The following APP variants were observed in gnomAD, a reference collection of about 807,000 sequenced individuals.
APP encodes amyloid beta precursor protein, also known as amyloid-beta precursor protein.
Under a neutral mutation model 101.4 loss-of-function variants are expected in APP, and 31 were observed. The ratio of observed to expected loss-of-function variants is 0.31; its 90% CI spans 0.23 to 0.41. The LOEUF is 0.41. APP is among the 10% of genes least tolerant of loss of function. The pLI, the probability that APP is intolerant of heterozygous loss-of-function variation, is 1.00. For synonymous variants in APP, 366 were observed against 364.4 expected (o/e 1.00, Z -0.05); for missense variants, 839 against 1,003.7 (o/e 0.84, Z 2.22).
intron 3 of APP, among the ~76,000 whole-genome samples, chr21:26,073,070 T>A (rs1465904345): frequency 6.6e-6 from 1 of 152,060 alleles, no homozygotes; most frequent in Non-Finnish European, 1.5e-5. Flanking sequence ...GGCCTGGACA[T>A]AATGACTCAG....
chr21:25,897,891 A>G (rs2038185140), intron 15 of APP: 1 of 571,268 alleles, frequency 1.8e-6, no homozygotes, highest in Non-Finnish European at 3.1e-6. Flanking sequence ...GAAACCTGAA[A>G]GTAAGGCTTC....
At chr21:25,982,294 C>A (rs2042461418) in intron 9 of APP, 50 bp downstream of exon 9, 6 of 1,605,532 alleles carry the variant, frequency 3.7e-6, no homozygotes, top group Non-Finnish European at 5.1e-6. Context: ...CAGAGGCAAG[C>A]TCAGGTTTCC....
intron 11 of APP, among the ~76,000 whole-genome samples, chr21:25,957,490 C>G (rs2041374505): frequency 6.6e-6 from 1 of 152,146 alleles, no homozygotes; most frequent in Non-Finnish European, 1.5e-5. Context: ...TGTTATTAAG[C>G]ACCAAGGTCT....
rs369538606 is a variant in APP, at chr21:26,130,210, T to C, written c.58-18064A>G. On this transcript the variant is annotated intron_variant, in intron 1 of 17. Transcript: ENST00000346798. ...CTGGACACACAATACCATTCTGTGA[T>C]GTTTAAGATACAACAAAACATGTAC... Among the ~76,000 whole-genome samples the C allele has an allele frequency of 9.8e-5, 15 of 152,362 alleles. No homozygotes were observed. The East Asian group carries it at 2.5e-3, about 25-fold the overall frequency.
At chr21:26,126,012 A>C (rs915368395) in intron 1 of APP, among the ~76,000 whole-genome samples, 1 of 152,206 alleles carries the variant, frequency 6.6e-6, no homozygotes, top group African/African-American at 2.4e-5. Context: ...AAAACACAGA[A>C]ATAACAAACT....
At chr21:26,018,171 G>A (rs1249216416) in intron 6 of APP, among the ~76,000 whole-genome samples, 3 of 152,122 alleles carry the variant, frequency 2.0e-5, no homozygotes, top group Non-Finnish European at 4.4e-5. Context: ...GGTTTTAACG[G>A]GTTATGAAAT....
chr21:26,028,339 G>C (rs890890079), intron 5 of APP, among the ~76,000 whole-genome samples: 1 of 152,010 alleles, frequency 6.6e-6, no homozygotes, highest in Non-Finnish European at 1.5e-5. Flanking sequence ...TGCTGTATGA[G>C]TAACAGACAT....
intron 6 of APP, among the ~76,000 whole-genome samples, chr21:26,013,584 ATTT>A (rs955562107): frequency 2.0e-5 from 3 of 151,892 alleles, no homozygotes; most frequent in African/African-American, 7.3e-5. Context: ...CTAAAATTTT[ATTT>A]TTAATAAATC....
At chr21:25,939,734 A>G (rs191940134) in intron 13 of APP, among the ~76,000 whole-genome samples, 203 of 152,314 alleles carry the variant, frequency 1.3e-3, no homozygotes, top group Non-Finnish European at 2.6e-3. Context: ...GATTCTTAGC[A>G]GAAAATCGAG....
chr21:25,952,187 T>TACACACAC lies in APP; in HGVS notation c.1687+2402_1687+2403insGTGTGTGT, dbSNP rs1324301529. ...ATGGGTGGATTGAGAGCATATTACA[T>TACACACAC]ACATACACACACACACACACACACA... On this transcript the variant is annotated intron_variant, in intron 13 of 17. Coordinates refer to ENST00000346798, the MANE Select transcript of APP (RefSeq NM_000484.4). Among the ~76,000 whole-genome samples the TACACACAC allele has an allele frequency of 5.0e-3, 551 of 111,180 alleles. 5 individuals are homozygous for TACACACAC. Among genetic ancestry groups the TACACACAC allele is most frequent in the African/African-American group, 0.015 (519 of 34,414 alleles). The allele number at this position is 111,180 out of a possible 152,430, so 72.9% of individuals were successfully genotyped here.
intron 13 of APP, among the ~76,000 whole-genome samples, chr21:25,936,677 T>C (rs2040377584): frequency 6.6e-6 from 1 of 152,240 alleles, no homozygotes; most frequent in Non-Finnish European, 1.5e-5. Flanking sequence ...TGCTGGTACC[T>C]TGATCTTGGA....
rs148707791 is a variant in APP, at chr21:26,111,297, G to A, written c.225+682C>T. ...GTCAAAAAGTAAAATTAATAAGGGAGGAAAAAACCAAACTATAATAGAATA... is the reference window on the plus strand; with the variant it reads ...GTCAAAAAGTAAAATTAATAAGGGAAGAAAAAACCAAACTATAATAGAATA... On this transcript the variant is annotated intron_variant, in intron 2 of 17. Coordinates refer to ENST00000346798, the MANE Select transcript of APP (RefSeq NM_000484.4). Among the ~76,000 whole-genome samples, 326 of 151,956 alleles carry A rather than the reference G, an allele frequency of 2.1e-3. 1 individual carries two copies. Among genetic ancestry groups the A allele is most frequent in the African/African-American group, 7.5e-3 (311 of 41,418 alleles).
At chr21:25,942,519 C>T (rs2040620297) in intron 13 of APP, 1 of 152,154 alleles carries the variant, frequency 6.6e-6, no homozygotes, top group Admixed American at 6.5e-5. Flanking sequence ...AAGCAATGTC[C>T]CTTTACCTAA....
chr21:25,938,462 C>T (rs2829989), intron 13 of APP, among the ~76,000 whole-genome samples: 7,843 of 151,994 alleles, frequency 0.052, 684 homozygotes, highest in African/African-American at 0.18. Context: ...TCTGTCATCC[C>T]ATGTTCAAGA....
At chr21:26,086,061 T>C (rs903134280) in intron 3 of APP, among the ~76,000 whole-genome samples, 1 of 152,176 alleles carries the variant, frequency 6.6e-6, no homozygotes, top group Non-Finnish European at 1.5e-5. Context: ...CAGAGACAAG[T>C]ACAGAAAAGT....
At chr21:26,168,221 A>C (rs2063659778) in intron 1 of APP, among the ~76,000 whole-genome samples, 1 of 152,210 alleles carries the variant, frequency 6.6e-6, no homozygotes, top group Non-Finnish European at 1.5e-5. Context: ...GTTTCCCCCG[A>C]TAGCCAAGGC....
At chr21:26,029,378 C>G (rs2044720580) in intron 5 of APP, among the ~76,000 whole-genome samples, 1 of 152,170 alleles carries the variant, frequency 6.6e-6, no homozygotes, top group Non-Finnish European at 1.5e-5. Context: ...AGGCCAGACA[C>G]TGACCTCAGC....
At chr21:26,103,272 G>A (rs1601467261) in intron 2 of APP, among the ~76,000 whole-genome samples, 1 of 152,110 alleles carries the variant, frequency 6.6e-6, no homozygotes, top group Non-Finnish European at 1.5e-5. Flanking sequence ...TGGACTACAC[G>A]CCAACATTCC....
At chr21:26,167,695 T>G (rs2146402964) in intron 1 of APP, among the ~76,000 whole-genome samples, 1 of 152,326 alleles carries the variant, frequency 6.6e-6, no homozygotes, top group South Asian at 2.1e-4. Flanking sequence ...TTAATTTTTT[T>G]GAATCAGCCA....
Sources: gnomAD v4.1 joint callset for allele counts (sites outside exome capture counted in the v4.1 genomes callset) on GRCh38, gnomAD v4.1.1 for gene constraint, MANE v1.5 for transcripts, NCBI Gene and HGNC (gene_info 2026-07-23, HGNC 2026-07-21) for gene names.